EYS: variants seen among roughly 807,000 people sequenced by gnomAD.
The protein encoded by EYS is EGF-like photoreceptor maintenance factor.
EYS carries 250 observed loss-of-function variants against 282.1 expected under a neutral mutation model. That is an observed-to-expected ratio of 0.89 (90% CI 0.80 to 0.98). The LOEUF (loss-of-function observed/expected upper bound fraction) is 0.98. Ranked by LOEUF, EYS falls within the 50% of genes least tolerant of loss-of-function variation. The probability of loss-of-function intolerance (pLI) is 0.00; values close to 1 mark genes in which losing one functional copy is unlikely to be tolerated. For synonymous variants in EYS, 1,355 were observed against 1,282.9 expected, an observed-to-expected ratio of 1.06 and a Z score of -1.20; for missense variants, 4,016 against 3,709.0, an observed-to-expected ratio of 1.08 and a Z score of -2.15.
chr6:64,240,571 T>C (rs1176497237), intron 30 of EYS, among the ~76,000 whole-genome samples: 1 of 152,188 alleles, frequency 6.6e-6, no homozygotes, highest in Non-Finnish European at 1.5e-5. Flanking sequence ...TATTGGTGTA[T>C]AGGAATGCTT....
chr6:64,158,399 GA>G (rs899010582), intron 31 of EYS, among the ~76,000 whole-genome samples: 5 of 151,712 alleles, frequency 3.3e-5, no homozygotes, highest in Non-Finnish European at 5.9e-5. Context: ...TTGATGCTGA[GA>G]AAAAAAACCT....
At chr6:63,944,799 T>C (rs1765346771) in intron 35 of EYS, among the ~76,000 whole-genome samples, 1 of 152,042 alleles carries the variant, frequency 6.6e-6, no homozygotes, top group African/African-American at 2.4e-5. Flanking sequence ...CCAGGCATGG[T>C]GGCACACACC....
intron 30 of EYS, among the ~76,000 whole-genome samples, chr6:64,291,272 A>G (rs1194740087): frequency 6.6e-6 from 1 of 152,036 alleles, no homozygotes; most frequent in Non-Finnish European, 1.5e-5. Context: ...GAACATTATC[A>G]TGAATGCTAT....
At chr6:64,215,577 A>AT (rs1331288915) in intron 31 of EYS, among the ~76,000 whole-genome samples, 3 of 152,114 alleles carry the variant, frequency 2.0e-5, no homozygotes, top group African/African-American at 7.2e-5. Context: ...ATATTTTTTC[A>AT]TTTTTTCCCT....
At chr6:64,708,851 C>T (rs1211060520) in intron 22 of EYS, among the ~76,000 whole-genome samples, 1 of 152,176 alleles carries the variant, frequency 6.6e-6, no homozygotes, top group African/African-American at 2.4e-5. Context: ...GTTTCTGACT[C>T]AAGTATCCCT....
intron 26 of EYS, among the ~76,000 whole-genome samples, chr6:64,519,811 A>G (rs1236985833): frequency 1.3e-5 from 2 of 151,754 alleles, no homozygotes; most frequent in East Asian, 1.9e-4. Flanking sequence ...AGCAAACCAA[A>G]CTGGGGAGGA....
chr6:64,158,296 A>G (rs1054993208), intron 31 of EYS, among the ~76,000 whole-genome samples: 14 of 152,242 alleles, frequency 9.2e-5, no homozygotes, highest in African/African-American at 3.4e-4. Flanking sequence ...GTGCTCAACA[A>G]ACTTTTGCTG....
intron 7 of EYS, among the ~76,000 whole-genome samples, chr6:65,387,244 G>A (rs1187359097): frequency 2.0e-5 from 3 of 151,906 alleles, no homozygotes; most frequent in African/African-American, 7.2e-5. Flanking sequence ...AATGAGAAGT[G>A]TCAGGCACTG....
intron 10 of EYS, among the ~76,000 whole-genome samples, chr6:65,338,210 A>C (rs1057014035): frequency 2.0e-5 from 3 of 151,256 alleles, no homozygotes; most frequent in Non-Finnish European, 4.4e-5. Flanking sequence ...ATAATTTTGG[A>C]TTTCAACATG....
At chr6:63,916,208 C>A (rs1022261143) in intron 35 of EYS, among the ~76,000 whole-genome samples, 1 of 152,198 alleles carries the variant, frequency 6.6e-6, no homozygotes, top group African/African-American at 2.4e-5. Context: ...CCAGACAAGA[C>A]CCTCTACCTG....
chr6:64,576,539 C>T (rs1034301648), intron 26 of EYS, among the ~76,000 whole-genome samples: 1 of 151,980 alleles, frequency 6.6e-6, no homozygotes, highest in South Asian at 2.1e-4. Flanking sequence ...CTTGTTCCCA[C>T]TTAGATATTT....
At chr6:64,319,314 T>A (rs1249504463) in intron 29 of EYS, among the ~76,000 whole-genome samples, 1 of 152,034 alleles carries the variant, frequency 6.6e-6, no homozygotes, top group Admixed American at 6.6e-5. Context: ...TAGCTACCTA[T>A]CTTACTAATA....
At chr6:64,310,726 C>T (rs1362097470) in intron 29 of EYS, among the ~76,000 whole-genome samples, 2 of 151,362 alleles carry the variant, frequency 1.3e-5, no homozygotes, top group Admixed American at 6.6e-5. Flanking sequence ...TTCTCCTGAA[C>T]TTAAAATAGA....
chr6:64,057,646 T>C (rs1771031224), intron 33 of EYS, among the ~76,000 whole-genome samples: 3 of 152,288 alleles, frequency 2.0e-5, no homozygotes, highest in South Asian at 4.1e-4. Flanking sequence ...GTTAAACAAG[T>C]ATGCTGTTTG....
chr6:64,550,775 A>G (rs1197534314), intron 26 of EYS, among the ~76,000 whole-genome samples: 1 of 152,100 alleles, frequency 6.6e-6, no homozygotes, highest in African/African-American at 2.4e-5. Context: ...TCAGGATACA[A>G]AATCAATGTG....
intron 31 of EYS, among the ~76,000 whole-genome samples, chr6:64,207,516 C>G (rs755416181): frequency 6.6e-6 from 1 of 152,056 alleles, no homozygotes; most frequent in African/African-American, 2.4e-5. Context: ...TACATACTAG[C>G]TAATGCATTA....
At chr6:64,660,639 T>A (rs1010173484) in intron 22 of EYS, among the ~76,000 whole-genome samples, 10 of 152,170 alleles carry the variant, frequency 6.6e-5, no homozygotes, top group African/African-American at 2.4e-4. Context: ...CATTCACAAT[T>A]GTTTCAAAGA....
At position 64,000,168 on chromosome 6, in the gene EYS, CTTTTTTTT is replaced by C. The variant is rs71551553; in HGVS notation, c.6726-993_6726-986del. ...CTGAGGAGTTTCCCAAGACATGGGA[CTTTTTTTT>C]TTTTTTTTTTTTTTTTTTTTTTTTT... On this transcript the variant is annotated intron_variant, in intron 33 of 42. Transcript: ENST00000503581. Among the ~76,000 whole-genome samples the C allele has an allele frequency of 2.6e-3, 110 of 42,700 alleles. 9 individuals are homozygous for C. The highest frequency in any genetic ancestry group is 3.0e-3 in the South Asian group (3 of 994). 28.0% of individuals were successfully genotyped at this position (42,700 alleles called of 152,430 possible).
chr6:64,200,304 G>A (rs1415608376), intron 31 of EYS, among the ~76,000 whole-genome samples: 3 of 152,072 alleles, frequency 2.0e-5, no homozygotes, highest in Non-Finnish European at 4.4e-5. Flanking sequence ...TTACAACATA[G>A]AGTGAACTCT....
Sources: allele counts gnomAD v4.1 joint callset (sites outside exome capture counted in the v4.1 genomes callset), GRCh38; gene constraint gnomAD v4.1.1; transcripts MANE v1.5; gene names NCBI Gene and HGNC (gene_info 2026-07-23, HGNC 2026-07-21).